Variants in MCEE observed in about 807,000 individuals in gnomAD.
The protein encoded by MCEE is methylmalonyl-CoA epimerase, mitochondrial.
A neutral mutation model predicts 12.9 loss-of-function variants in MCEE; 6 were observed. The observed-to-expected ratio is 0.47, with a 90% CI of 0.26 to 0.92. The LOEUF (loss-of-function observed/expected upper bound fraction) is 0.92. MCEE is among the 40% of genes least tolerant of loss of function. The probability of loss-of-function intolerance (pLI) is 0.16; values close to 1 mark genes in which losing one functional copy is unlikely to be tolerated. For synonymous variants in MCEE, 78 were observed against 77.9 expected, an observed-to-expected ratio of 1.00 and a Z score of -0.01; for missense variants, 214 against 212.1, an observed-to-expected ratio of 1.01 and a Z score of -0.05.
intron 2 of MCEE, among the ~76,000 whole-genome samples, chr2:71,114,128 C>T (rs1307543150): frequency 6.6e-6 from 1 of 151,804 alleles, no homozygotes; most frequent in African/African-American, 2.4e-5. Context: ...GTTTGAGAAA[C>T]TGCCACATGC....
chr2:71,113,596 G>T (rs1312374874), intron 2 of MCEE, among the ~76,000 whole-genome samples: 1 of 152,086 alleles, frequency 6.6e-6, no homozygotes, highest in Admixed American at 6.6e-5. Context: ...AAATGATCGG[G>T]GTATGTCAAA....
chr2:71,130,039 G>T, intron 1 of MCEE, 141 bp downstream of exon 1: 1 of 841,398 alleles, frequency 1.2e-6, no homozygotes, highest in Non-Finnish European at 2.0e-6. Context: ...CTGCCTAAGT[G>T]ACAGCAGCTG....
intron 2 of MCEE, among the ~76,000 whole-genome samples, chr2:71,112,364 T>C (rs1394459236): frequency 6.6e-6 from 1 of 150,718 alleles, no homozygotes; most frequent in African/African-American, 2.4e-5. Flanking sequence ...CTCGATCTCT[T>C]GACCTTGTGA....
At chr2:71,124,597 A>G in intron 1 of MCEE, 54 bp from the exon 2 acceptor site, 1 of 1,372,556 alleles carries the variant, frequency 7.3e-7, no homozygotes, top group Admixed American at 1.7e-5. Flanking sequence ...ACGCACTTCT[A>G]AATTGAATTT....
At chr2:71,120,008 G>T (rs752934094) in intron 2 of MCEE, among the ~76,000 whole-genome samples, 2 of 149,710 alleles carry the variant, frequency 1.3e-5, no homozygotes, top group Non-Finnish European at 2.9e-5. Context: ...CGTAATGATT[G>T]TGCCACTGCA....
intron 2 of MCEE, 88 bp downstream of exon 2, chr2:71,124,118 T>G: frequency 1.0e-6 from 1 of 977,984 alleles, no homozygotes; most frequent in Non-Finnish European, 1.6e-6. Flanking sequence ...AAGTTTCTAA[T>G]GACAGTGACC....
intron 1 of MCEE, among the ~76,000 whole-genome samples, chr2:71,127,346 T>C (rs1292755729): frequency 6.6e-6 from 1 of 152,268 alleles, no homozygotes; most frequent in Admixed American, 6.5e-5. Context: ...TTTTAGACAC[T>C]GTCCCTGAAT....
In MCEE at chr2:71,112,433, C is replaced by CTTTTT. The variant is rs71400979; in HGVS notation, c.379-2316_379-2312dup. On this transcript the variant is annotated intron_variant, in intron 2 of 2. Transcript: ENST00000244217. The stretch of plus-strand genomic sequence containing the variant: ...TACAGGCGTGAGCCACTGCACCTGC[C>CTTTTT]TTTTTTTTTTTTTTTTTTTTGAGAC... Among the ~76,000 whole-genome samples, 30 of 81,202 alleles carry CTTTTT rather than the reference C, an allele frequency of 3.7e-4. 2 individuals are homozygous for CTTTTT. In the East Asian group the frequency reaches 4.5e-3, roughly 12 times the overall value. 53.3% of individuals were successfully genotyped at this position (81,202 alleles called of 152,430 possible). A position where few individuals can be genotyped will look rare whatever the true frequency, so the allele number is the denominator to read the frequency against.
At chr2:71,126,129 T>G (rs1673227166) in intron 1 of MCEE, among the ~76,000 whole-genome samples, 1 of 152,082 alleles carries the variant, frequency 6.6e-6, no homozygotes, top group African/African-American at 2.4e-5. Context: ...GGACTACAGA[T>G]GTGAGTCACA....
intron 1 of MCEE, among the ~76,000 whole-genome samples, chr2:71,127,934 G>A (rs1192060175): frequency 6.6e-6 from 1 of 152,136 alleles, no homozygotes; most frequent in Non-Finnish European, 1.5e-5. Context: ...CCGAACATAA[G>A]TCTGAATTTT....
intron 2 of MCEE, among the ~76,000 whole-genome samples, chr2:71,121,509 C>T (rs59844862): frequency 0.041 from 6,193 of 152,264 alleles, 385 homozygotes; most frequent in African/African-American, 0.13. Context: ...CTGTTCACAC[C>T]TTCTCCTCTT....
Position 71,124,075 on chromosome 2 carries a change from G to A in MCEE, c.378+131C>T, listed in dbSNP as rs6748616. Reference sequence around the variant, plus strand: ...GTAAGGATCCACCTTTGAGGAGGATGAATATTATCATTCTCCTTAAAGAAC... The same window carrying A: ...GTAAGGATCCACCTTTGAGGAGGATAAATATTATCATTCTCCTTAAAGAAC... On this transcript the variant is annotated intron_variant, in intron 2 of 2. Transcript: ENST00000244217. The A allele has an allele frequency of 1.3e-3, 869 of 682,666 alleles. 3 individuals carry two copies. The African/African-American group carries it at 0.014, about 11-fold the overall frequency. 42.3% of individuals were successfully genotyped at this position (682,666 alleles called of 1,614,324 possible). A position where few individuals can be genotyped will look rare whatever the true frequency, so the allele number is the denominator to read the frequency against.
At chr2:71,114,181 AG>A (rs1265069059) in intron 2 of MCEE, among the ~76,000 whole-genome samples, 3 of 152,138 alleles carry the variant, frequency 2.0e-5, no homozygotes, top group Non-Finnish European at 2.9e-5. Flanking sequence ...GTGATGTGCT[AG>A]GGGTGGAGGA....
intron 1 of MCEE, among the ~76,000 whole-genome samples, chr2:71,125,211 A>ATATATATATTTTTTTTTTTT: frequency 2.1e-5 from 1 of 48,610 alleles, no homozygotes; most frequent in African/African-American, 6.0e-5. Context: ...ATATATATAT[A>ATATATATATTTTTTTTTTTT]TTTTTTTTTT....
Position 71,109,926 on chromosome 2 carries a change from T to G in MCEE, c.*44A>C, listed in dbSNP as rs1273595562. 2 of 1,603,892 alleles carry G rather than the reference T, an allele frequency of 1.2e-6. No individual in the cohort carries two copies. Among genetic ancestry groups the G allele is most frequent in the East Asian group, 4.5e-5 (2 of 44,816 alleles). ...CATAGTACATTTTGATAGTATTTGATAGGCTTTTTCAGGTCAATTAATTTA... is the reference window on the plus strand; with the variant it reads ...CATAGTACATTTTGATAGTATTTGAGAGGCTTTTTCAGGTCAATTAATTTA... On this transcript the variant is annotated 3_prime_UTR_variant, in exon 3 of 3. Transcript: ENST00000244217.
chr2:71,125,190 T>TAA (rs1197186449), intron 1 of MCEE, among the ~76,000 whole-genome samples: 1 of 59,082 alleles, frequency 1.7e-5, no homozygotes, highest in East Asian at 3.7e-4. Context: ...TATATATAAA[T>TAA]ATATATATAT....
chr2:71,113,593 C>G (rs563263871), intron 2 of MCEE, among the ~76,000 whole-genome samples: 15 of 152,134 alleles, frequency 9.9e-5, no homozygotes, highest in African/African-American at 3.4e-4. Flanking sequence ...CAAAAATGAT[C>G]GGGGTATGTC....
chr2:71,110,800 T>C (rs1672871026), intron 2 of MCEE: 3 of 152,312 alleles, frequency 2.0e-5, no homozygotes, highest in South Asian at 2.1e-4. Context: ...TGTCTCTCTA[T>C]ACTTGACGGA....
Position 71,109,976 on chromosome 2 carries a change from T to A in MCEE, c.525A>T (p.Gln175His). The change falls in exon 3 of 3, where the codon CAA becomes CAT. Residue 175 changes from glutamine (Q) to histidine (H), a missense_variant. Gln to His is a conservative substitution (Grantham distance 24). Transcript: ENST00000244217. ...AGTTGCTTGCAAATATAAATCAAGC[T>A]TGCTCCAGTTCCACAAGGACTCCAC... Reference protein sequence around the residue: ...DCGGVLVELEQA With the variant: ...DCGGVLVELEHA The A allele has an allele frequency of 1.2e-6, 2 of 1,613,658 alleles. No individual in the cohort carries two copies. The highest frequency in any genetic ancestry group is 8.5e-7 in the Non-Finnish European group (1 of 1,179,848).
Sources: allele counts gnomAD v4.1 joint callset (sites outside exome capture counted in the v4.1 genomes callset), GRCh38; gene constraint gnomAD v4.1.1; transcripts MANE v1.5; gene names NCBI Gene and HGNC (gene_info 2026-07-23, HGNC 2026-07-21).